The following FLAD1 variants were observed in gnomAD, a reference collection of about 807,000 sequenced individuals.
FLAD1 encodes bifunctional FAD diphosphatase/FAD synthase.
In FLAD1, 35 loss-of-function variants were observed where a neutral mutation model predicts 55.0. The observed-to-expected ratio is 0.64, with a 90% confidence interval of 0.49 to 0.84. The LOEUF is 0.84. Ranked by LOEUF, FLAD1 falls within the 40% of genes least tolerant of loss-of-function variation. FLAD1 has a pLI of 0.00. For missense variants in FLAD1, 665 were observed against 742.6 expected, an observed-to-expected ratio of 0.90 and a Z score of 1.21; for synonymous variants, 267 against 303.0, an observed-to-expected ratio of 0.88 and a Z score of 1.23.
intron 5 of FLAD1, among the ~76,000 whole-genome samples, chr1:154,991,976 A>G (rs534916466): frequency 6.6e-6 from 1 of 150,818 alleles, no homozygotes; most frequent in South Asian, 2.1e-4. Flanking sequence ...CCCCATCTCT[A>G]CTAAAAAAAT....
rs1657444750 is a variant in FLAD1 at position 154,983,933 on chromosome 1, G to C, written c.239G>C (p.Gly80Ala). Residue 80 changes from glycine (G) to alanine (A), a missense_variant, in exon 1 of 7, where the codon GGG (glycine) becomes GCG (alanine). Gly to Ala is a moderately conservative substitution (Grantham distance 60). Coordinates refer to ENST00000292180, the MANE Select transcript of FLAD1 (RefSeq NM_025207.5). ...CCCCCGTGCTTGCGACCCCTATTTG[G>C]GGGTCTGGGTGGCTACTGGAGGGCC... The part of the protein sequence containing the change: ...AGPPCLRPLF[G>A]GLGGYWRALQ... The C allele has an allele frequency of 1.2e-6, 2 of 1,608,856 alleles. No homozygotes were observed. The highest frequency in any genetic ancestry group is 2.2e-5 in the South Asian group (2 of 90,758).
chr1:154,984,708 CAAA>C (rs201533169), intron 1 of FLAD1, among the ~76,000 whole-genome samples: 14 of 58,508 alleles, frequency 2.4e-4, no homozygotes, highest in African/African-American at 3.3e-4. Context: ...AACTCCGTCT[CAAA>C]AAAAAAAAAA....
chr1:154,983,570 G>A lies in FLAD1; in HGVS notation c.-125G>A. The A allele has an allele frequency of 1.0e-6, 1 of 993,620 alleles. No homozygotes were observed. The highest frequency in any genetic ancestry group is 1.5e-6 in the Non-Finnish European group (1 of 675,950). 61.6% of individuals were successfully genotyped at this position (993,620 alleles called of 1,614,324 possible). ...ATAAGGTAGACATTTAAAGGGGTAC[G>A]GATGCCCAAGGTAGAGCAGACACTT... On this transcript the variant is annotated 5_prime_UTR_variant, in exon 1 of 7. Coordinates refer to ENST00000292180, the MANE Select transcript of FLAD1 (RefSeq NM_025207.5).
intron 2 of FLAD1, 85 bp from the exon 3 acceptor site, chr1:154,989,475 G>C: frequency 7.6e-7 from 1 of 1,310,748 alleles, no homozygotes; most frequent in South Asian, 1.6e-5. Context: ...GATATTGAAG[G>C]GTTTAAGCAA....
At chr1:154,991,235 T>TAC (rs1657852284) in intron 5 of FLAD1, 4 of 129,488 alleles carry the variant, frequency 3.1e-5, no homozygotes, top group South Asian at 2.4e-4. Flanking sequence ...AATATATATA[T>TAC]ATATATGTAT....
chr1:154,989,067 G>A (rs924347942), intron 2 of FLAD1: 1 of 1,170,502 alleles, frequency 8.5e-7, no homozygotes, highest in African/African-American at 1.6e-5. Flanking sequence ...GATAATGTAT[G>A]CCCTGCTCTT....
chr1:154,991,225 A>ATATATATAT (rs61257175), intron 5 of FLAD1: 1 of 83,164 alleles, frequency 1.2e-5, no homozygotes, highest in African/African-American at 5.3e-5. Context: ...AAAAAAAAAA[A>ATATATATAT]ATATATATAT....
At chr1:154,990,314 AC>A in intron 4 of FLAD1, 24 bp from the exon 5 acceptor site, 1 of 1,613,212 alleles carries the variant, frequency 6.2e-7, no homozygotes, top group Non-Finnish European at 8.5e-7. Context: ...CCCACGCCCG[AC>A]CCCTACTTCT....
chr1:154,988,919 G>C, intron 2 of FLAD1, 70 bp downstream of exon 2: 1 of 1,593,288 alleles, frequency 6.3e-7, no homozygotes, highest in Non-Finnish European at 8.6e-7. Context: ...CAGTAATGCA[G>C]GGGCTGTTGG....
In FLAD1 at chr1:154,993,081, A is replaced by G. The variant is rs758248982; in HGVS notation, c.*44A>G. The G allele has an allele frequency of 4.8e-5, 76 of 1,579,958 alleles. 1 individual carries two copies. In the Middle Eastern group the frequency reaches 3.1e-3, roughly 64 times the overall value. On this transcript the variant is annotated 3_prime_UTR_variant, in exon 7 of 7. Coordinates refer to ENST00000292180, the MANE Select transcript of FLAD1 (RefSeq NM_025207.5). Reference sequence around the variant, plus strand: ...AGGGAAGGACACCGTCCTAGGGTATAACCTGGCAATAAACCGTGCCTCTCA... The same window carrying G: ...AGGGAAGGACACCGTCCTAGGGTATGACCTGGCAATAAACCGTGCCTCTCA...
Position 154,990,156 on chromosome 1 carries a change from C to T in FLAD1, c.1266-3C>T. 1 of 1,611,554 alleles carries T rather than the reference C, an allele frequency of 6.2e-7. No individual in the cohort carries two copies. Among genetic ancestry groups the T allele is most frequent in the Non-Finnish European group, 8.5e-7 (1 of 1,177,720 alleles). On this transcript the variant is annotated splice_region_variant and splice_polypyrimidine_tract_variant and intron_variant, in intron 3 of 6. Transcript: ENST00000292180. Reference sequence around the variant, plus strand: ...AAGCCTGTGGATTCTTCCCCCTCTGCAGGAAATTACCTGATGTTCCAAACC... The same window carrying T: ...AAGCCTGTGGATTCTTCCCCCTCTGTAGGAAATTACCTGATGTTCCAAACC...
In FLAD1 at chr1:154,988,268, T is replaced by A; in HGVS notation, c.536T>A (p.Ile179Asn). The A allele has an allele frequency of 6.2e-7, 1 of 1,614,222 alleles. No individual in the cohort carries two copies. The highest frequency in any genetic ancestry group is 8.5e-7 in the Non-Finnish European group (1 of 1,180,044). ...RFTHVLTAGGIGPTHDDVTFE... is the reference protein window; with the variant it reads ...RFTHVLTAGGNGPTHDDVTFE... Reference sequence around the variant, plus strand: ...ACCCATGTCCTCACAGCAGGGGGCATCGGCCCCACTCATGATGATGTGACC... The same window carrying A: ...ACCCATGTCCTCACAGCAGGGGGCAACGGCCCCACTCATGATGATGTGACC... Residue 179 changes from isoleucine (I) to asparagine (N), a missense_variant, in exon 2 of 7, where the codon ATC becomes AAC. Transcript: ENST00000292180.
chr1:154,985,877 C>T (rs887112575), intron 1 of FLAD1, among the ~76,000 whole-genome samples: 2 of 151,144 alleles, frequency 1.3e-5, no homozygotes, highest in Non-Finnish European at 2.9e-5. Context: ...AAGCATGGGC[C>T]ACCACGCCCG....
At chr1:154,991,572 T>A (rs373874794) in intron 5 of FLAD1, among the ~76,000 whole-genome samples, 46 of 151,446 alleles carry the variant, frequency 3.0e-4, no homozygotes, top group African/African-American at 1.1e-3. Flanking sequence ...AAAAAAAAAA[T>A]ACAGTTATTC....
chr1:154,992,442 C>CAA, intron 5 of FLAD1: 15 of 780,202 alleles, frequency 1.9e-5, no homozygotes, highest in East Asian at 3.1e-5. Context: ...GACTCCGTCT[C>CAA]AAAAAAAAAA....
intron 5 of FLAD1, chr1:154,990,759 C>T (rs947584468): frequency 1.4e-5 from 6 of 427,366 alleles, no homozygotes; most frequent in African/African-American, 1.2e-4. Context: ...GTGACTTAGA[C>T]TTGTGCTGTC....
rs1657418196 is a variant in FLAD1 at position 154,983,520 on chromosome 1, G to A, written c.-175G>A. ...TTTTGGTCCGGGGTGGAGAGCGAAT[G>A]CATTGAAAAGGGCCAAGGCCCAGGA... On this transcript the variant is annotated 5_prime_UTR_variant, in exon 1 of 7. The change abolishes an upstream ATG in the 5' untranslated region. Coordinates refer to ENST00000292180, the MANE Select transcript of FLAD1 (RefSeq NM_025207.5). The A allele has an allele frequency of 1.7e-6, 1 of 579,100 alleles. No individual in the cohort carries two copies. The highest frequency in any genetic ancestry group is 1.9e-5 in the African/African-American group (1 of 53,640). 35.9% of individuals were successfully genotyped at this position (579,100 alleles called of 1,614,324 possible).
intron 5 of FLAD1, 46 bp from the exon 6 acceptor site, chr1:154,992,667 G>A (rs778963917): frequency 1.9e-6 from 3 of 1,614,042 alleles, no homozygotes; most frequent in Non-Finnish European, 2.5e-6. Flanking sequence ...GGGTAGAAGT[G>A]GGAAAGGTGA....
Position 154,988,170 on chromosome 1 carries a change from T to G in FLAD1, c.438T>G (p.Val146=). The change falls in exon 2 of 7, where the codon GTT becomes GTG. Residue 146 remains valine, a synonymous_variant. Coordinates refer to ENST00000292180, the MANE Select transcript of FLAD1 (RefSeq NM_025207.5). ...CRTLRSLGVQ[V]CRVSVVPDEV... Reference sequence around the variant, plus strand: ...CACTGCGCTCCCTAGGGGTCCAGGTTTGCCGAGTCTCAGTTGTACCTGATG... The same window carrying G: ...CACTGCGCTCCCTAGGGGTCCAGGTGTGCCGAGTCTCAGTTGTACCTGATG... The G allele has an allele frequency of 6.2e-7, 1 of 1,614,234 alleles. No individual in the cohort carries two copies. Among genetic ancestry groups the G allele is most frequent in the Non-Finnish European group, 8.5e-7 (1 of 1,180,042 alleles).
Sources: allele counts gnomAD v4.1 joint callset (sites outside exome capture counted in the v4.1 genomes callset), GRCh38; gene constraint gnomAD v4.1.1; transcripts MANE v1.5; gene names NCBI Gene and HGNC (gene_info 2026-07-23, HGNC 2026-07-21).